Variants in UVRAG observed in about 807,000 individuals in gnomAD.
The protein encoded by UVRAG is UV radiation resistance-associated gene protein.
Under a neutral mutation model 78.0 loss-of-function variants are expected in UVRAG, and 19 were observed. The ratio of observed to expected loss-of-function variants is 0.24; its 90% CI spans 0.17 to 0.36. UVRAG has a LOEUF of 0.36. Among genes scored for constraint, UVRAG ranks in the 10% least tolerant of loss-of-function variants. The probability of loss-of-function intolerance (pLI) is 1.00; values close to 1 mark genes in which losing one functional copy is unlikely to be tolerated. For missense variants in UVRAG, 740 were observed against 853.8 expected, an observed-to-expected ratio of 0.87 and a Z score of 1.66; for synonymous variants, 323 against 324.6, an observed-to-expected ratio of 1.00 and a Z score of 0.05.
chr11:76,097,871 C>T (rs1359273135), intron 13 of UVRAG, among the ~76,000 whole-genome samples: 1 of 152,130 alleles, frequency 6.6e-6, no homozygotes, highest in Non-Finnish European at 1.5e-5. Flanking sequence ...TGTAAGTCTA[C>T]TCCTTACCGC....
chr11:76,109,480 C>T (rs1209425484), intron 13 of UVRAG, among the ~76,000 whole-genome samples: 2 of 152,176 alleles, frequency 1.3e-5, no homozygotes, highest in African/African-American at 2.4e-5. Flanking sequence ...TCTAATTGAA[C>T]TCTTACAACT....
At chr11:76,020,074 CCTT>C (rs919165863) in intron 12 of UVRAG, among the ~76,000 whole-genome samples, 2 of 152,170 alleles carry the variant, frequency 1.3e-5, no homozygotes, top group Non-Finnish European at 2.9e-5. Context: ...TTTTCCCTCT[CCTT>C]ATTATACGCA....
intron 14 of UVRAG, among the ~76,000 whole-genome samples, chr11:76,131,344 G>A (rs1320929575): frequency 2.6e-5 from 4 of 152,148 alleles, no homozygotes; most frequent in East Asian, 3.9e-4. Flanking sequence ...ATGGGCTCTC[G>A]GCAATAGGCA....
chr11:75,997,296 A>G (rs992210860), intron 8 of UVRAG, among the ~76,000 whole-genome samples: 3 of 152,272 alleles, frequency 2.0e-5, no homozygotes, highest in African/African-American at 7.2e-5. Flanking sequence ...CCAGTCTCAG[A>G]CCAAACTCTG....
intron 7 of UVRAG, among the ~76,000 whole-genome samples, chr11:75,971,980 C>T (rs942646672): frequency 2.6e-5 from 4 of 152,248 alleles, no homozygotes; most frequent in South Asian, 2.1e-4. Flanking sequence ...CATGAGCCAC[C>T]GTGCCCAGCC....
At chr11:76,068,374 G>T (rs532544568) in intron 13 of UVRAG, among the ~76,000 whole-genome samples, 22 of 152,248 alleles carry the variant, frequency 1.4e-4, no homozygotes, top group African/African-American at 4.8e-4. Flanking sequence ...CTGAGAAATG[G>T]ATTGCTTGTA....
intron 12 of UVRAG, among the ~76,000 whole-genome samples, chr11:76,044,135 A>T (rs973406351): frequency 6.6e-6 from 1 of 152,126 alleles, no homozygotes; most frequent in African/African-American, 2.4e-5. Context: ...AATGTCAGTC[A>T]TTATGTAGCC....
intron 12 of UVRAG, among the ~76,000 whole-genome samples, chr11:76,052,036 C>G (rs1172434628): frequency 1.3e-5 from 2 of 152,184 alleles, no homozygotes; most frequent in Non-Finnish European, 2.9e-5. Flanking sequence ...AGCATGTCTC[C>G]TCCTTCCACA....
intron 14 of UVRAG, among the ~76,000 whole-genome samples, chr11:76,140,062 C>CT (rs1565177219): frequency 1.5e-4 from 3 of 20,414 alleles, no homozygotes; most frequent in African/African-American, 4.2e-4. Context: ...TCTCTCTCTC[C>CT]CTCCCTCCCT....
intron 2 of UVRAG, among the ~76,000 whole-genome samples, chr11:75,854,982 C>T (rs140437130): frequency 3.1e-4 from 47 of 152,188 alleles, no homozygotes; most frequent in African/African-American, 1.1e-3. Flanking sequence ...CCAGTGTTAC[C>T]TCTGATAATA....
intron 5 of UVRAG, among the ~76,000 whole-genome samples, chr11:75,899,215 T>C (rs1368173225): frequency 6.6e-6 from 1 of 152,198 alleles, no homozygotes; most frequent in African/African-American, 2.4e-5. Flanking sequence ...TGAACCCAGA[T>C]TAAATCCAGG....
intron 12 of UVRAG, among the ~76,000 whole-genome samples, chr11:76,032,262 A>G (rs193267875): frequency 5.3e-5 from 8 of 152,306 alleles, no homozygotes; most frequent in African/African-American, 1.7e-4. Context: ...AAACAAATTT[A>G]TGTCACTCTT....
intron 6 of UVRAG, among the ~76,000 whole-genome samples, chr11:75,952,504 T>G (rs944575831): frequency 6.6e-6 from 1 of 152,036 alleles, no homozygotes; most frequent in African/African-American, 2.4e-5. Context: ...CTTCTTTTTT[T>G]GAATCTTTTA....
chr11:75,900,846 TA>T (rs1476730104), intron 5 of UVRAG, among the ~76,000 whole-genome samples: 1 of 152,256 alleles, frequency 6.6e-6, no homozygotes, highest in Non-Finnish European at 1.5e-5. Flanking sequence ...TATCTTTGCT[TA>T]ATGACACTAT....
At chr11:76,138,407 A>G (rs1197075527) in intron 14 of UVRAG, among the ~76,000 whole-genome samples, 2 of 152,116 alleles carry the variant, frequency 1.3e-5, no homozygotes, top group East Asian at 3.8e-4. Context: ...CAGTCGGGAA[A>G]ATGGTCGTTC....
intron 6 of UVRAG, among the ~76,000 whole-genome samples, chr11:75,960,013 A>G (rs1017751339): frequency 6.6e-6 from 1 of 152,208 alleles, no homozygotes; most frequent in Non-Finnish European, 1.5e-5. Context: ...GTGCTCCAAA[A>G]TAACTATAAT....
intron 14 of UVRAG, among the ~76,000 whole-genome samples, chr11:76,129,303 T>A (rs1404226333): frequency 1.3e-5 from 2 of 152,218 alleles, no homozygotes; most frequent in Non-Finnish European, 2.9e-5. Flanking sequence ...ATCTGGTGAT[T>A]CCAGAAAAGG....
At chr11:76,031,848 C>T (rs11828193) in intron 12 of UVRAG, among the ~76,000 whole-genome samples, 2,111 of 152,214 alleles carry the variant, frequency 0.014, 50 homozygotes, top group African/African-American at 0.047. Flanking sequence ...CATCAGTGAG[C>T]GTGCCAGTAG....
intron 6 of UVRAG, among the ~76,000 whole-genome samples, chr11:75,917,650 C>G (rs1226194295): frequency 6.6e-6 from 1 of 152,148 alleles, no homozygotes; most frequent in African/African-American, 2.4e-5. Flanking sequence ...AACCTCAACC[C>G]CAAAGTGTCT....
Sources: gnomAD v4.1 joint callset for allele counts (sites outside exome capture counted in the v4.1 genomes callset) on GRCh38, gnomAD v4.1.1 for gene constraint, MANE v1.5 for transcripts, NCBI Gene and HGNC (gene_info 2026-07-23, HGNC 2026-07-21) for gene names.